Variants in FOCAD observed in about 807,000 individuals in gnomAD.
The protein encoded by FOCAD is focadhesin.
A neutral mutation model predicts 225.6 loss-of-function variants in FOCAD; 198 were observed. The observed-to-expected ratio is 0.88, with a 90% CI of 0.78 to 0.99. The LOEUF (loss-of-function observed/expected upper bound fraction) is 0.99, where lower values mean the gene tolerates loss of function less well. Ranked by LOEUF, FOCAD falls within the 50% of genes least tolerant of loss-of-function variation. The pLI, the probability that FOCAD is intolerant of heterozygous loss-of-function variation, is 0.00. For missense variants in FOCAD, 2,713 were observed against 2,123.6 expected (o/e 1.28, Z -5.46); for synonymous variants, 897 against 755.0 (o/e 1.19, Z -3.08).
chr9:20,801,360 C>G (rs371179797), intron 11 of FOCAD, among the ~76,000 whole-genome samples: 14 of 152,134 alleles, frequency 9.2e-5, no homozygotes, highest in African/African-American at 3.1e-4. Context: ...ATTATCAGTT[C>G]AAGAAAGAAA....
Position 20,820,391 on chromosome 9 carries a change from CTT to C in FOCAD, c.1630_1631del (p.Leu544AlafsTer16), listed in dbSNP as rs766402269. The C allele has an allele frequency of 6.1e-5, 99 of 1,612,924 alleles. No homozygotes were observed. Among genetic ancestry groups the C allele is most frequent in the Non-Finnish European group, 8.3e-5 (98 of 1,179,322 alleles). On this transcript the variant is annotated frameshift_variant, in exon 13 of 44. Coordinates refer to ENST00000338382, the MANE Select transcript of FOCAD (RefSeq NM_001375567.1). LOFTEE classifies it high-confidence loss of function. Reference sequence around the variant, plus strand: ...ACCACACCACGACTAAGAGCTGTCACTTTGCGCTTGCTGACATCTTTGTGGGA... The same window carrying C: ...ACCACACCACGACTAAGAGCTGTCACTGCGCTTGCTGACATCTTTGTGGGA...
intron 1 of FOCAD, among the ~76,000 whole-genome samples, chr9:20,713,205 T>C (rs957834916): frequency 6.6e-6 from 1 of 152,220 alleles, no homozygotes; most frequent in Admixed American, 6.5e-5. Flanking sequence ...TGTAGTGGCC[T>C]ACAAGGCCTT....
intron 21 of FOCAD, among the ~76,000 whole-genome samples, chr9:20,889,615 C>T (rs575928191): frequency 1.0e-3 from 156 of 152,202 alleles, no homozygotes; most frequent in African/African-American, 3.3e-3. Flanking sequence ...GTGCTTTCAC[C>T]GCAATGACAT....
intron 18 of FOCAD, among the ~76,000 whole-genome samples, chr9:20,873,284 A>C (rs1455405563): frequency 6.6e-6 from 1 of 152,158 alleles, no homozygotes; most frequent in African/African-American, 2.4e-5. Context: ...AAGAACTCAG[A>C]ACCAACTTCT....
At chr9:20,754,096 G>A (rs1405411968) in intron 5 of FOCAD, among the ~76,000 whole-genome samples, 1 of 152,022 alleles carries the variant, frequency 6.6e-6, no homozygotes, top group African/African-American at 2.4e-5. Context: ...CAGTTAAATT[G>A]TGGATCCTTT....
chr9:20,871,466 C>T (rs1460007977), intron 18 of FOCAD, among the ~76,000 whole-genome samples: 2 of 151,738 alleles, frequency 1.3e-5, no homozygotes, highest in Non-Finnish European at 2.9e-5. Flanking sequence ...ACTGAGTTCT[C>T]TTGATTCTCT....
intron 2 of FOCAD, among the ~76,000 whole-genome samples, chr9:20,667,828 G>T (rs1246352573): frequency 2.0e-5 from 3 of 151,640 alleles, no homozygotes; most frequent in African/African-American, 7.3e-5. Context: ...AACCAGATAT[G>T]AAAAAAAACC....
chr9:20,815,596 TAGTC>T (rs1445903981), intron 11 of FOCAD, among the ~76,000 whole-genome samples: 5 of 148,246 alleles, frequency 3.4e-5, no homozygotes, highest in African/African-American at 9.8e-5. Context: ...CTGAGAAATC[TAGTC>T]ATAGTCTTAT....
At chr9:20,967,489 C>A (rs1587740666) in intron 35 of FOCAD, among the ~76,000 whole-genome samples, 1 of 152,092 alleles carries the variant, frequency 6.6e-6, no homozygotes, top group African/African-American at 2.4e-5. Context: ...CCTTTCCAAT[C>A]TGAATGCCTT....
intron 12 of FOCAD, 129 bp from the exon 13 acceptor site, chr9:20,820,195 T>C: frequency 1.6e-6 from 1 of 629,164 alleles, no homozygotes; most frequent in African/African-American, 1.9e-5. Flanking sequence ...TCTAAGAAGG[T>C]GGGTAATATT....
intron 21 of FOCAD, among the ~76,000 whole-genome samples, chr9:20,896,372 A>T (rs1832088058): frequency 6.6e-6 from 1 of 151,892 alleles, no homozygotes; most frequent in Non-Finnish European, 1.5e-5. Context: ...TGCTGACCTC[A>T]TATAATGAGT....
intron 11 of FOCAD, among the ~76,000 whole-genome samples, chr9:20,810,286 A>G (rs761372480): frequency 8.5e-5 from 13 of 152,128 alleles, no homozygotes; most frequent in Admixed American, 1.3e-4. Flanking sequence ...GCTTAGTTAC[A>G]TAGTTGCTTA....
Position 20,934,859 on chromosome 9 carries a change from T to C in FOCAD, c.3407+1756T>C, listed in dbSNP as rs561169419. Among the ~76,000 whole-genome samples the C allele has an allele frequency of 3.3e-4, 30 of 90,030 alleles. No homozygotes were observed. In the East Asian group the frequency reaches 5.5e-3, roughly 16 times the overall value. 59.1% of individuals were successfully genotyped at this position (90,030 alleles called of 152,430 possible). ...AGAATCAAATCAAGAACCCCACCCC[T>C]TTTTTTTACAATAGCTGCAAAAAAA... On this transcript the variant is annotated intron_variant, in intron 28 of 43. Coordinates refer to ENST00000338382, the MANE Select transcript of FOCAD (RefSeq NM_001375567.1).
chr9:20,662,669 AG>A (rs1821765499), intron 2 of FOCAD, among the ~76,000 whole-genome samples: 1 of 152,020 alleles, frequency 6.6e-6, no homozygotes, highest in African/African-American at 2.4e-5. Context: ...TATATTGCCC[AG>A]GCTGGTCTTG....
intron 15 of FOCAD, among the ~76,000 whole-genome samples, chr9:20,861,707 T>TTGTATG (rs1468659055): frequency 1.3e-5 from 2 of 152,218 alleles, no homozygotes; most frequent in Non-Finnish European, 2.9e-5. Context: ...TAGAGATAAA[T>TTGTATG]TGTATGTGTT....
chr9:20,993,259 G>C lies in FOCAD; in HGVS notation c.5263G>C (p.Asp1755His). The change falls in exon 43 of 44, where the codon GAC becomes CAC. Residue 1755 changes from aspartate to histidine, a missense_variant. Asp to His is a moderately conservative substitution (Grantham distance 81). Transcript: ENST00000338382. ...PWKEQTQKFI[D>H]WLFSIMESPK... is the part of the protein sequence containing the mutation. The stretch of plus-strand genomic sequence containing the variant: ...TTTTTCATTTTTACCCTAGTTCATT[G>C]ACTGGCTATTCAGCATCATGGAAAG... The C allele has an allele frequency of 1.9e-6, 3 of 1,613,396 alleles. No individual in the cohort carries two copies. Among genetic ancestry groups the C allele is most frequent in the Middle Eastern group, 1.7e-4 (1 of 6,052 alleles).
intron 15 of FOCAD, among the ~76,000 whole-genome samples, chr9:20,847,042 C>T (rs1827184108): frequency 6.6e-6 from 1 of 152,126 alleles, no homozygotes. Context: ...ATGCTAAATG[C>T]AAGCACTTTT....
chr9:20,958,047 C>T (rs1175807436), intron 35 of FOCAD, among the ~76,000 whole-genome samples: 2 of 152,046 alleles, frequency 1.3e-5, no homozygotes, highest in African/African-American at 4.8e-5. Flanking sequence ...GGTTCATATC[C>T]CACTTCCACT....
chr9:20,740,610 C>T (rs1586984278), intron 5 of FOCAD, among the ~76,000 whole-genome samples: 1 of 152,118 alleles, frequency 6.6e-6, no homozygotes, highest in Admixed American at 6.5e-5. Context: ...TCTGTTTACT[C>T]TAGAATATGT....
Sources: allele counts gnomAD v4.1 joint callset (sites outside exome capture counted in the v4.1 genomes callset), GRCh38; gene constraint gnomAD v4.1.1; transcripts MANE v1.5; gene names NCBI Gene and HGNC (gene_info 2026-07-23, HGNC 2026-07-21).